COL27A1: variants seen among roughly 807,000 people sequenced by gnomAD.
COL27A1 encodes collagen type XXVII alpha 1 chain, also known as collagen alpha-1(XXVII) chain.
COL27A1 carries 106 observed loss-of-function variants against 251.3 expected under a neutral mutation model. That is an observed-to-expected ratio of 0.42 (90% CI 0.36 to 0.50). The LOEUF is 0.50. Ranked by LOEUF, COL27A1 falls within the 20% of genes least tolerant of loss-of-function variation. The pLI, the probability that COL27A1 is intolerant of heterozygous loss-of-function variation, is 0.00. For missense variants in COL27A1, 2,325 were observed against 2,522.8 expected, an observed-to-expected ratio of 0.92 and a Z score of 1.68; for synonymous variants, 1,000 against 986.3, an observed-to-expected ratio of 1.01 and a Z score of -0.26.
At chr9:114,257,039 C>T (rs552981100) in intron 27 of COL27A1, among the ~76,000 whole-genome samples, 1 of 152,176 alleles carries the variant, frequency 6.6e-6, no homozygotes, top group African/African-American at 2.4e-5. Flanking sequence ...GACGAAGGGT[C>T]AGCCTGGGAC....
intron 2 of COL27A1, among the ~76,000 whole-genome samples, chr9:114,166,149 G>A (rs535297185): frequency 1.5e-4 from 21 of 137,982 alleles, no homozygotes; most frequent in South Asian, 4.8e-4. Flanking sequence ...CCATCCATCC[G>A]TCCATCCATC....
intron 48 of COL27A1, among the ~76,000 whole-genome samples, chr9:114,291,237 C>T (rs1187470692): frequency 3.3e-5 from 5 of 152,162 alleles, no homozygotes; most frequent in Admixed American, 2.6e-4. Flanking sequence ...CCAAGGCATC[C>T]TTAGAAAGCT....
chr9:114,290,943 C>G lies in COL27A1; in HGVS notation c.4476+26C>G. ...GTCAGATACCTCTTAATACACTTAC[C>G]CACCCTCTGCCCTTTCTGCCTTGAT... On this transcript the variant is annotated intron_variant, in intron 48 of 60. Coordinates refer to ENST00000356083, the MANE Select transcript of COL27A1 (RefSeq NM_032888.4). The surrounding 1 kb of genome is among the most constrained non-coding windows in gnomAD (Gnocchi z 4.6). 1 of 1,495,250 alleles carries G rather than the reference C, an allele frequency of 6.7e-7. No homozygotes were observed. The highest frequency in any genetic ancestry group is 9.1e-7 in the Non-Finnish European group (1 of 1,098,914). 92.6% of individuals were successfully genotyped at this position (1,495,250 alleles called of 1,614,324 possible). A position where few individuals can be genotyped will look rare whatever the true frequency, so the allele number is the denominator to read the frequency against.
intron 27 of COL27A1, among the ~76,000 whole-genome samples, chr9:114,256,760 G>A (rs893009281): frequency 2.6e-5 from 4 of 152,212 alleles, no homozygotes; most frequent in Admixed American, 6.5e-5. Context: ...TTGAAGTAAC[G>A]TGCCTAAGAT....
chr9:114,222,403 G>T, intron 14 of COL27A1, 136 bp downstream of exon 14: 1 of 795,414 alleles, frequency 1.3e-6, no homozygotes, highest in Non-Finnish European at 1.9e-6. Context: ...CAGAGGGGCT[G>T]GGGGGCCAGG....
intron 5 of COL27A1, among the ~76,000 whole-genome samples, chr9:114,183,600 G>A (rs1266911471): frequency 1.3e-5 from 2 of 152,108 alleles, no homozygotes; most frequent in African/African-American, 4.8e-5. Flanking sequence ...GTGGGTGCAA[G>A]GTGAGAGACA....
chr9:114,296,065 T>G (rs984400133), intron 49 of COL27A1, among the ~76,000 whole-genome samples: 4 of 152,196 alleles, frequency 2.6e-5, no homozygotes, highest in African/African-American at 7.2e-5. Context: ...TAGCTCAACC[T>G]GGATCATACA....
rs1388915002 is a variant in COL27A1, at chr9:114,237,089, T to C, written c.2673+55T>C. 4.0e-6 allele frequency: 6 copies of C among 1,501,224 alleles called. No individual in the cohort carries two copies. In the African/African-American group the frequency reaches 7.0e-5, roughly 18 times the overall value. 93.0% of individuals were successfully genotyped at this position (1,501,224 alleles called of 1,614,324 possible). ...ACCTCACACTCTCCAACTGATCGTGTAATGTGGCTGGGGACACCTTCACCT... is the reference window on the plus strand; with the variant it reads ...ACCTCACACTCTCCAACTGATCGTGCAATGTGGCTGGGGACACCTTCACCT... On this transcript the variant is annotated intron_variant, in intron 18 of 60. Coordinates refer to ENST00000356083, the MANE Select transcript of COL27A1 (RefSeq NM_032888.4).
At chr9:114,237,600 A>AGG (rs1447055554) in intron 18 of COL27A1, 62 bp from the exon 19 acceptor site, 15 of 1,370,704 alleles carry the variant, frequency 1.1e-5, no homozygotes, top group Admixed American at 1.7e-5. Flanking sequence ...GGGGGAACGC[A>AGG]GGGGGTTCAT....
At chr9:114,264,240 G>A in intron 28 of COL27A1, 115 bp from the exon 29 acceptor site, 1 of 730,500 alleles carries the variant, frequency 1.4e-6, no homozygotes, top group South Asian at 2.5e-5. Context: ...GAGGAGGAGG[G>A]GGCCGGAGCT....
chr9:114,293,734 T>C (rs1355121553), intron 49 of COL27A1, among the ~76,000 whole-genome samples: 2 of 152,138 alleles, frequency 1.3e-5, no homozygotes, highest in Non-Finnish European at 2.9e-5. Context: ...AAGGGAATAT[T>C]ATAAATGATT....
intron 12 of COL27A1, among the ~76,000 whole-genome samples, chr9:114,217,150 G>T (rs1245306066): frequency 6.6e-6 from 1 of 152,090 alleles, no homozygotes; most frequent in African/African-American, 2.4e-5. Flanking sequence ...CACCATCATC[G>T]CCCTCTGGCT....
intron 23 of COL27A1, among the ~76,000 whole-genome samples, chr9:114,244,515 A>G (rs987478642): frequency 1.1e-4 from 16 of 152,200 alleles, no homozygotes; most frequent in Non-Finnish European, 2.4e-4. Context: ...CATTCTGGGC[A>G]AAAGATTGTC....
At position 114,194,396 on chromosome 9, in the gene COL27A1, T is replaced by G; in HGVS notation, c.2017-8T>G. ...TTGGTGGCCAAAGTGGAATTGTTTT[T>G]GTTTCAGGGACAGAAAGGGGACCCA... On this transcript the variant is annotated splice_polypyrimidine_tract_variant and splice_region_variant and intron_variant, in intron 5 of 60. Transcript: ENST00000356083. 6.2e-7 allele frequency: 1 copy of G among 1,613,478 alleles called. No individual in the cohort carries two copies. The highest frequency in any genetic ancestry group is 8.5e-7 in the Non-Finnish European group (1 of 1,179,746).
chr9:114,261,710 C>T (rs531342108), intron 28 of COL27A1, among the ~76,000 whole-genome samples: 5 of 152,228 alleles, frequency 3.3e-5, no homozygotes, highest in South Asian at 2.1e-4. Flanking sequence ...TGTATACCCC[C>T]GGTGACGGGG....
chr9:114,185,891 C>T (rs979256325), intron 5 of COL27A1, among the ~76,000 whole-genome samples: 2 of 152,208 alleles, frequency 1.3e-5, no homozygotes, highest in Admixed American at 1.3e-4. Context: ...TGTGGGAAGA[C>T]GATCCCTCTG....
In COL27A1 at chr9:114,309,181, C is replaced by T. The variant is rs894897550; in HGVS notation, c.5218-79C>T. On this transcript the variant is annotated intron_variant, in intron 59 of 60. Coordinates refer to ENST00000356083, the MANE Select transcript of COL27A1 (RefSeq NM_032888.4). ...AGGAAGGGGCCTATCCCTGTTCCCT[C>T]CATAGAGAGGCAGGGAACCCTCGGT... 15 of 1,162,452 alleles carry T rather than the reference C, an allele frequency of 1.3e-5. No homozygotes were observed. In the African/African-American group the frequency reaches 2.0e-4, roughly 15 times the overall value. 72.0% of individuals were successfully genotyped at this position (1,162,452 alleles called of 1,614,324 possible).
At chr9:114,156,555 T>G (rs2808792) in intron 1 of COL27A1, among the ~76,000 whole-genome samples, 107,691 of 151,168 alleles carry the variant, frequency 0.71, 38,800 homozygotes, top group East Asian at 0.97. Flanking sequence ...GTGTTTGTGT[T>G]AGTCGGCCTG....
intron 36 of COL27A1, 158 bp downstream of exon 36, chr9:114,270,939 T>G (rs10118121): frequency 4.7e-6 from 3 of 634,340 alleles, no homozygotes; most frequent in Non-Finnish European, 8.3e-6. Context: ...GTCAGCAGTG[T>G]CCAGCAGCCA....
Sources: gnomAD v4.1 joint callset for allele counts (sites outside exome capture counted in the v4.1 genomes callset) on GRCh38, gnomAD v4.1.1 for gene constraint, Gnocchi (gnomAD v3.1) non-coding constraint, MANE v1.5 for transcripts, NCBI Gene and HGNC (gene_info 2026-07-23, HGNC 2026-07-21) for gene names.